The following ARHGAP15 variants were observed in gnomAD, a reference collection of about 807,000 sequenced individuals.
The protein encoded by ARHGAP15 is Rho GTPase activating protein 15.
A neutral mutation model predicts 63.7 loss-of-function variants in ARHGAP15; 51 were observed. The ratio of observed to expected loss-of-function variants is 0.80; its 90% CI spans 0.64 to 1.01. The LOEUF (loss-of-function observed/expected upper bound fraction) is 1.01, where lower values mean the gene tolerates loss of function less well. Ranked by LOEUF, ARHGAP15 falls within the 50% of genes least tolerant of loss-of-function variation. The pLI is 0.00. For synonymous variants in ARHGAP15, 191 were observed against 193.8 expected, an observed-to-expected ratio of 0.99 and a Z score of 0.12; for missense variants, 560 against 564.6, an observed-to-expected ratio of 0.99 and a Z score of 0.08.
chr2:143,727,348 C>A (rs1685327797), intron 13 of ARHGAP15, among the ~76,000 whole-genome samples: 1 of 152,162 alleles, frequency 6.6e-6, no homozygotes, highest in Non-Finnish European at 1.5e-5. Context: ...CAATCCTGCA[C>A]TTTGGTACCT....
rs984008109 is a variant in ARHGAP15 at position 143,266,910 on chromosome 2, ACAAATTT to A, written c.474+16312_474+16318del. ...AAATAGGCTAAACTATGCTTTGAGA[ACAAATTT>A]CTGTTGTTCAGTTCCATACTGTCTT... On this transcript the variant is annotated intron_variant, in intron 6 of 13. Transcript: ENST00000295095. Among the ~76,000 whole-genome samples the A allele has an allele frequency of 2.6e-5, 4 of 152,182 alleles. 1 individual carries two copies. The highest frequency in any genetic ancestry group is 2.6e-4 in the Admixed American group (4 of 15,270).
At chr2:143,335,797 AAAAGCC>A (rs1684747152) in intron 6 of ARHGAP15, among the ~76,000 whole-genome samples, 1 of 152,086 alleles carries the variant, frequency 6.6e-6, no homozygotes. Flanking sequence ...CCAGACTGGG[AAAAGCC>A]AATGTTCACA....
intron 5 of ARHGAP15, among the ~76,000 whole-genome samples, chr2:143,241,649 G>T (rs1220754544): frequency 6.6e-6 from 1 of 152,162 alleles, no homozygotes; most frequent in Non-Finnish European, 1.5e-5. Flanking sequence ...CTGGCAAGCT[G>T]CTTCCCAATG....
chr2:143,730,915 AAAAG>A (rs1348498894), intron 13 of ARHGAP15, among the ~76,000 whole-genome samples: 22 of 132,636 alleles, frequency 1.7e-4, no homozygotes, highest in Admixed American at 4.5e-4. Context: ...AAAAAAAAAA[AAAAG>A]GGAAAAAGGC....
intron 11 of ARHGAP15, chr2:143,598,066 C>T (rs1697595408): frequency 6.6e-6 from 1 of 152,190 alleles, no homozygotes; most frequent in Non-Finnish European, 1.5e-5. Flanking sequence ...CACCTTCCAA[C>T]ACTGTTGCAT....
intron 1 of ARHGAP15, among the ~76,000 whole-genome samples, chr2:143,145,238 A>G (rs1689533501): frequency 6.6e-6 from 1 of 152,086 alleles, no homozygotes; most frequent in Non-Finnish European, 1.5e-5. Context: ...ATTCAACAAT[A>G]AATTATAATG....
At chr2:143,517,920 A>T (rs1693890494) in intron 9 of ARHGAP15, among the ~76,000 whole-genome samples, 1 of 152,222 alleles carries the variant, frequency 6.6e-6, no homozygotes, top group African/African-American at 2.4e-5. Flanking sequence ...GGGAGGAAAG[A>T]CCCAAATGAA....
intron 12 of ARHGAP15, among the ~76,000 whole-genome samples, chr2:143,686,708 G>T (rs1559126260): frequency 1.3e-5 from 2 of 152,118 alleles, no homozygotes; most frequent in Non-Finnish European, 1.5e-5. Context: ...GCTTAAATGT[G>T]TCTGGTCAGA....
rs116202550 is a variant in ARHGAP15, at chr2:143,455,284, A to G, written c.703+18242A>G. ...CTAAAGGACATACTAAAAGACATTTAGCATGCTGATGCATTATAGTTAGTG... is the reference window on the plus strand; with the variant it reads ...CTAAAGGACATACTAAAAGACATTTGGCATGCTGATGCATTATAGTTAGTG... On this transcript the variant is annotated intron_variant, in intron 8 of 13. Coordinates refer to ENST00000295095, the MANE Select transcript of ARHGAP15 (RefSeq NM_018460.4). Among the ~76,000 whole-genome samples, 259 of 152,234 alleles carry G rather than the reference A, an allele frequency of 1.7e-3. 1 individual carries two copies. The highest frequency in any genetic ancestry group is 5.6e-3 in the African/African-American group (233 of 41,564).
intron 6 of ARHGAP15, among the ~76,000 whole-genome samples, chr2:143,393,454 C>T (rs1167352595): frequency 6.6e-6 from 1 of 152,038 alleles, no homozygotes; most frequent in Non-Finnish European, 1.5e-5. Context: ...CTAAAGTGAG[C>T]TGGGCACGGT....
At chr2:143,633,773 C>T (rs1680167433) in intron 12 of ARHGAP15, among the ~76,000 whole-genome samples, 1 of 152,104 alleles carries the variant, frequency 6.6e-6, no homozygotes, top group Non-Finnish European at 1.5e-5. Context: ...GGTTGGTTTT[C>T]ACTGCATCAA....
chr2:143,192,540 T>C (rs908328817), intron 2 of ARHGAP15, among the ~76,000 whole-genome samples: 4 of 152,254 alleles, frequency 2.6e-5, no homozygotes, highest in African/African-American at 9.6e-5. Context: ...CTTACTTATG[T>C]CTGTCTGCTG....
chr2:143,738,575 T>C (rs1009212176), intron 13 of ARHGAP15, among the ~76,000 whole-genome samples: 11 of 152,242 alleles, frequency 7.2e-5, no homozygotes, highest in African/African-American at 2.7e-4. Context: ...TTATGTGAGA[T>C]AGGTTCTCTG....
intron 2 of ARHGAP15, among the ~76,000 whole-genome samples, chr2:143,174,054 C>T (rs1327902668): frequency 1.3e-5 from 2 of 152,070 alleles, no homozygotes; most frequent in Non-Finnish European, 2.9e-5. Context: ...TTTGAGTCAA[C>T]GTCGCATTTA....
intron 6 of ARHGAP15, among the ~76,000 whole-genome samples, chr2:143,415,428 G>A (rs936546731): frequency 6.6e-5 from 10 of 151,774 alleles, no homozygotes; most frequent in African/African-American, 1.5e-4. Flanking sequence ...ACAGCACCTC[G>A]AAATGCATAA....
Position 143,691,044 on chromosome 2 carries a change from G to A in ARHGAP15, c.1139-12375G>A, listed in dbSNP as rs746774706. ...GTTGAGGTTAGGACAGCGGACGGAC[G>A]TACTCTCTTGCCCAACTCACAGTCC... On this transcript the variant is annotated intron_variant, in intron 12 of 13. Transcript: ENST00000295095. Among the ~76,000 whole-genome samples the A allele has an allele frequency of 7.2e-5, 11 of 152,218 alleles. No homozygotes were observed. The Middle Eastern group carries it at 0.014, about 188-fold the overall frequency.
chr2:143,266,696 C>T (rs1001048471), intron 6 of ARHGAP15, among the ~76,000 whole-genome samples: 1 of 151,996 alleles, frequency 6.6e-6, no homozygotes, highest in Non-Finnish European at 1.5e-5. Context: ...CATAGGGTTT[C>T]CATTGTATGG....
chr2:143,281,503 G>A (rs370114755), intron 6 of ARHGAP15, among the ~76,000 whole-genome samples: 2 of 152,220 alleles, frequency 1.3e-5, no homozygotes, highest in East Asian at 3.9e-4. Context: ...ATGAGGTCCT[G>A]CAACAGTTCA....
In ARHGAP15 at chr2:143,493,066, A is replaced by T. The variant is rs184158147; in HGVS notation, c.826+5571A>T. Among the ~76,000 whole-genome samples, 240 of 150,238 alleles carry T rather than the reference A, an allele frequency of 1.6e-3. 6 individuals are homozygous for T. In the East Asian group the frequency reaches 0.046, roughly 28 times the overall value. On this transcript the variant is annotated intron_variant, in intron 9 of 13. Coordinates refer to ENST00000295095, the MANE Select transcript of ARHGAP15 (RefSeq NM_018460.4). ...GAGCGAGACTCTGTCTCAAAAAAAAACAAAAAAAACCATCAATTAATCAAT... is the reference window on the plus strand; with the variant it reads ...GAGCGAGACTCTGTCTCAAAAAAAATCAAAAAAAACCATCAATTAATCAAT...
Sources: gnomAD v4.1 joint callset for allele counts (sites outside exome capture counted in the v4.1 genomes callset) on GRCh38, gnomAD v4.1.1 for gene constraint, MANE v1.5 for transcripts, NCBI Gene and HGNC (gene_info 2026-07-23, HGNC 2026-07-21) for gene names.